MGMT: variants seen among roughly 807,000 people sequenced by gnomAD.
MGMT encodes O-6-methylguanine-DNA methyltransferase, also known as methylated-DNA--protein-cysteine methyltransferase.
A neutral mutation model predicts 15.9 loss-of-function variants in MGMT; 14 were observed. That is an observed-to-expected ratio of 0.88 (90% confidence interval 0.58 to 1.37). The LOEUF (loss-of-function observed/expected upper bound fraction) is 1.37. MGMT is among the 40% of genes most tolerant of loss of function. MGMT has a pLI of 0.00. For synonymous variants in MGMT, 130 were observed against 118.2 expected (o/e 1.10, Z -0.65); for missense variants, 282 against 268.1 (o/e 1.05, Z -0.36).
intron 1 of MGMT, among the ~76,000 whole-genome samples, chr10:129,522,602 G>A (rs143297372): frequency 2.0e-5 from 3 of 152,364 alleles, no homozygotes; most frequent in African/African-American, 7.2e-5. Context: ...AAAACCACAC[G>A]TTCTGAATGT....
At chr10:129,469,168 G>C (rs1188290986) in intron 1 of MGMT, among the ~76,000 whole-genome samples, 2 of 152,110 alleles carry the variant, frequency 1.3e-5, no homozygotes, top group East Asian at 1.9e-4. Flanking sequence ...GCCTGAAAAA[G>C]AACTTGCCTT....
chr10:129,590,714 A>G (rs1227915267), intron 2 of MGMT, among the ~76,000 whole-genome samples: 3 of 152,194 alleles, frequency 2.0e-5, no homozygotes, highest in African/African-American at 7.2e-5. Flanking sequence ...ATCCAGCAAG[A>G]TAGGGTATAC....
intron 1 of MGMT, among the ~76,000 whole-genome samples, chr10:129,535,289 A>G (rs888196058): frequency 6.6e-6 from 1 of 152,140 alleles, no homozygotes. Context: ...CCAGTGCCTA[A>G]GGAGGCTGAA....
At chr10:129,744,698 C>G (rs373227304) in intron 3 of MGMT, among the ~76,000 whole-genome samples, 2 of 152,216 alleles carry the variant, frequency 1.3e-5, no homozygotes, top group Non-Finnish European at 1.5e-5. Context: ...CCCGCTCACT[C>G]TCAGTGTGCG....
At chr10:129,632,856 T>G (rs979568272) in intron 2 of MGMT, among the ~76,000 whole-genome samples, 2 of 151,972 alleles carry the variant, frequency 1.3e-5, no homozygotes, top group African/African-American at 4.9e-5. Context: ...AGAGGAATAC[T>G]TAGATACGAC....
intron 1 of MGMT, among the ~76,000 whole-genome samples, chr10:129,471,118 G>A (rs1845226091): frequency 6.6e-6 from 1 of 152,214 alleles, no homozygotes; most frequent in Non-Finnish European, 1.5e-5. Flanking sequence ...GTGAAAGGAG[G>A]TACTTGTTAA....
chr10:129,576,072 C>A (rs1408472012), intron 2 of MGMT, among the ~76,000 whole-genome samples: 1 of 152,290 alleles, frequency 6.6e-6, no homozygotes, highest in East Asian at 1.9e-4. Flanking sequence ...AAGTCCAGGA[C>A]CATATGGATT....
At position 129,644,020 on chromosome 10, in the gene MGMT, A is replaced by G. The variant is rs141842558; in HGVS notation, c.126-63875A>G. ...ATGATGCGAATATCTGCAGATGCCTACTGTATGCCCAGCCCAGCCTCTCTA... is the reference window on the plus strand; with the variant it reads ...ATGATGCGAATATCTGCAGATGCCTGCTGTATGCCCAGCCCAGCCTCTCTA... On this transcript the variant is annotated intron_variant, in intron 2 of 4. Transcript: ENST00000651593. Among the ~76,000 whole-genome samples, 607 of 152,278 alleles carry G rather than the reference A, an allele frequency of 4.0e-3. 5 individuals carry two copies. Among genetic ancestry groups the G allele is most frequent in the African/African-American group, 0.014 (575 of 41,554 alleles).
chr10:129,467,853 G>A (rs1236160202), intron 1 of MGMT, among the ~76,000 whole-genome samples: 1 of 152,192 alleles, frequency 6.6e-6, no homozygotes, highest in Non-Finnish European at 1.5e-5. Context: ...CACACACTGG[G>A]CACCGTAATG....
In MGMT at chr10:129,570,322, C is replaced by T. The variant is rs754461407; in HGVS notation, c.125+33945C>T. On this transcript the variant is annotated intron_variant, in intron 2 of 4. Coordinates refer to ENST00000651593, the MANE Select transcript of MGMT (RefSeq NM_002412.5). ...TGTAGCTCTGCAAGTCAGCAGCACC[C>T]GGGTTCCACCCGGTGCTTACAGGTC... Among the ~76,000 whole-genome samples, 5 of 152,346 alleles carry T rather than the reference C, an allele frequency of 3.3e-5. 1 individual carries two copies. The highest frequency in any genetic ancestry group is 3.9e-4 in the East Asian group (2 of 5,182).
chr10:129,613,728 AGGCTGATGG>A (rs1846988764), intron 2 of MGMT, among the ~76,000 whole-genome samples: 1 of 152,192 alleles, frequency 6.6e-6, no homozygotes, highest in Non-Finnish European at 1.5e-5. Context: ...CTGGTGGCGC[AGGCTGATGG>A]GTCCTGTCCC....
At chr10:129,630,948 T>C (rs2133082603) in intron 2 of MGMT, among the ~76,000 whole-genome samples, 2 of 152,302 alleles carry the variant, frequency 1.3e-5, no homozygotes. Context: ...TGCATTGCTG[T>C]CCAGAAATCT....
intron 2 of MGMT, among the ~76,000 whole-genome samples, chr10:129,545,527 G>A (rs1466488053): frequency 6.6e-6 from 1 of 152,190 alleles, no homozygotes; most frequent in African/African-American, 2.4e-5. Context: ...GTGATGTGCT[G>A]TTTTAGAGGA....
intron 1 of MGMT, among the ~76,000 whole-genome samples, chr10:129,506,773 C>A (rs1051628629): frequency 6.6e-6 from 1 of 152,198 alleles, no homozygotes; most frequent in Non-Finnish European, 1.5e-5. Context: ...ATTCAACGTA[C>A]ATAGTACAAA....
chr10:129,522,311 G>A (rs1160860432), intron 1 of MGMT, among the ~76,000 whole-genome samples: 1 of 152,194 alleles, frequency 6.6e-6, no homozygotes, highest in African/African-American at 2.4e-5. Flanking sequence ...ACTGCCTTGG[G>A]CCCCTGGACA....
rs534137710 is a variant in MGMT, at chr10:129,686,236, A to G, written c.126-21659A>G. Among the ~76,000 whole-genome samples, 3 of 151,954 alleles carry G rather than the reference A, an allele frequency of 2.0e-5. No individual in the cohort carries two copies. In the South Asian group the frequency reaches 6.3e-4, roughly 32 times the overall value. ...AAAGTTAAAAAAAAAATGTTATGCT[A>G]TTGCTAATAAATTGAGTCAGGGGAA... is the stretch of plus-strand genomic sequence containing the variant. On this transcript the variant is annotated intron_variant, in intron 2 of 4. Transcript: ENST00000651593.
At chr10:129,469,946 A>G (rs896085683) in intron 1 of MGMT, among the ~76,000 whole-genome samples, 6 of 152,100 alleles carry the variant, frequency 3.9e-5, no homozygotes, top group Non-Finnish European at 8.8e-5. Flanking sequence ...TCCTGGACTC[A>G]AGTGATCTTC....
At chr10:129,635,380 G>GTTTGGGA (rs1289042043) in intron 2 of MGMT, among the ~76,000 whole-genome samples, 11 of 152,214 alleles carry the variant, frequency 7.2e-5, no homozygotes, top group Non-Finnish European at 1.5e-4. Context: ...GAGCTGGCCA[G>GTTTGGGA]GCCCTTCCTG....
intron 1 of MGMT, among the ~76,000 whole-genome samples, chr10:129,501,196 G>C (rs1845571151): frequency 6.6e-6 from 1 of 152,228 alleles, no homozygotes; most frequent in South Asian, 2.1e-4. Flanking sequence ...CTGGAGGTGA[G>C]AGGTGTCCAT....
Sources: gnomAD v4.1 joint callset for allele counts (sites outside exome capture counted in the v4.1 genomes callset) on GRCh38, gnomAD v4.1.1 for gene constraint, MANE v1.5 for transcripts, NCBI Gene and HGNC (gene_info 2026-07-23, HGNC 2026-07-21) for gene names.